Variants in PDE8B observed in about 807,000 individuals in gnomAD.
The protein encoded by PDE8B is phosphodiesterase 8B.
Under a neutral mutation model 101.3 loss-of-function variants are expected in PDE8B, and 26 were observed. The ratio of observed to expected loss-of-function variants is 0.26; its 90% CI spans 0.19 to 0.36. PDE8B has a LOEUF of 0.36. Among genes scored for constraint, PDE8B ranks in the 10% least tolerant of loss-of-function variants. The pLI is 1.00. For synonymous variants in PDE8B, 424 were observed against 429.3 expected, an observed-to-expected ratio of 0.99 and a Z score of 0.15; for missense variants, 810 against 1,163.1, an observed-to-expected ratio of 0.70 and a Z score of 4.42.
intron 1 of PDE8B, among the ~76,000 whole-genome samples, chr5:77,280,543 TG>T (rs1764758747): frequency 6.6e-6 from 1 of 152,250 alleles, no homozygotes; most frequent in Non-Finnish European, 1.5e-5. Context: ...GCCAAATTGC[TG>T]GAAGTTTCTA....
intron 14 of PDE8B, chr5:77,410,495 C>T (rs1344366681): frequency 5.3e-5 from 8 of 152,236 alleles, no homozygotes; most frequent in Non-Finnish European, 8.8e-5. Flanking sequence ...AATTTGGCCC[C>T]ATGTCCGAGT....
chr5:77,317,891 T>C (rs989519759), intron 2 of PDE8B, among the ~76,000 whole-genome samples: 1 of 151,904 alleles, frequency 6.6e-6, no homozygotes, highest in Non-Finnish European at 1.5e-5. Context: ...ACCCCGTCTT[T>C]ACTAAAAATA....
At chr5:77,180,181 C>A in the PDE8B span, among the ~76,000 whole-genome samples, 1 of 152,162 alleles carries the variant, frequency 6.6e-6, no homozygotes, top group South Asian at 2.1e-4. Flanking sequence ...TTGCCCAGAG[C>A]GGAGCAGCTC....
chr5:77,425,903 C>A lies in PDE8B; in HGVS notation c.2548+7C>A. 1.2e-6 allele frequency: 2 copies of A among 1,612,666 alleles called. No homozygotes were observed. Among genetic ancestry groups the A allele is most frequent in the Non-Finnish European group, 1.7e-6 (2 of 1,178,776 alleles). ...ATGTTTGATGCTTGGGATGGTAAGA[C>A]AGTTACTGTTTTGTCACCCAAAGAA... On this transcript the variant is annotated splice_region_variant and intron_variant, in intron 21 of 21. Transcript: ENST00000264917.
intron 2 of PDE8B, among the ~76,000 whole-genome samples, chr5:77,314,674 G>A (rs1773407402): frequency 6.6e-6 from 1 of 151,906 alleles, no homozygotes; most frequent in African/African-American, 2.4e-5. Context: ...CAAGATCATG[G>A]CCCAGTCTAG....
intron 1 of PDE8B, among the ~76,000 whole-genome samples, chr5:77,253,102 G>T (rs1418461319): frequency 6.6e-6 from 1 of 152,190 alleles, no homozygotes; most frequent in East Asian, 1.9e-4. Context: ...CTCCTGGTTT[G>T]CTAGGTAAAC....
At chr5:77,276,714 T>C (rs1327703315) in intron 1 of PDE8B, among the ~76,000 whole-genome samples, 1 of 152,140 alleles carries the variant, frequency 6.6e-6, no homozygotes, top group Non-Finnish European at 1.5e-5. Context: ...ATACCAACAT[T>C]TACTTAAAAG....
the PDE8B span, among the ~76,000 whole-genome samples, chr5:77,163,509 T>TA: frequency 6.6e-6 from 1 of 152,190 alleles, no homozygotes; most frequent in Non-Finnish European, 1.5e-5. Context: ...AGTAGGACTT[T>TA]AAAAAAATCT....
At chr5:77,274,824 C>T (rs185712734) in intron 1 of PDE8B, among the ~76,000 whole-genome samples, 3 of 151,974 alleles carry the variant, frequency 2.0e-5, no homozygotes, top group Non-Finnish European at 4.4e-5. Flanking sequence ...CCTGAGAGCC[C>T]GAGAGGAGAC....
intron 1 of PDE8B, among the ~76,000 whole-genome samples, chr5:77,279,274 G>A (rs1162862395): frequency 6.6e-6 from 1 of 151,998 alleles, no homozygotes; most frequent in African/African-American, 2.4e-5. Flanking sequence ...ACAGAACATG[G>A]GCATGACTTG....
At chr5:77,238,001 CT>C (rs1195047922) in intron 1 of PDE8B, among the ~76,000 whole-genome samples, 1 of 152,004 alleles carries the variant, frequency 6.6e-6, no homozygotes, top group Admixed American at 6.6e-5. Context: ...GTACCATTTT[CT>C]TTGGATGCTT....
At chr5:77,107,105 A>G in the PDE8B span, among the ~76,000 whole-genome samples, 1 of 151,736 alleles carries the variant, frequency 6.6e-6, no homozygotes, top group Admixed American at 6.6e-5. Flanking sequence ...CCTGTGTCCA[A>G]GTGTTCTCAT....
the PDE8B span, among the ~76,000 whole-genome samples, chr5:77,095,671 G>A: frequency 2.0e-5 from 3 of 152,162 alleles, no homozygotes; most frequent in South Asian, 2.1e-4. Flanking sequence ...ATGGCCTACC[G>A]TGATGGGCTT....
intron 1 of PDE8B, among the ~76,000 whole-genome samples, chr5:77,278,997 G>A (rs2149831638): frequency 6.6e-6 from 1 of 152,256 alleles, no homozygotes; most frequent in Non-Finnish European, 1.5e-5. Flanking sequence ...ATACACTACT[G>A]AAACAAAGTG....
intron 1 of PDE8B, among the ~76,000 whole-genome samples, chr5:77,249,627 C>T (rs1757653616): frequency 6.6e-6 from 1 of 152,172 alleles, no homozygotes; most frequent in Admixed American, 6.5e-5. Context: ...TAATGGATGT[C>T]TCAAAAATGT....
At chr5:77,363,248 C>T (rs10045594) in intron 10 of PDE8B, among the ~76,000 whole-genome samples, 10,934 of 152,188 alleles carry the variant, frequency 0.072, 606 homozygotes, top group South Asian at 0.14. Context: ...ACATGGGATG[C>T]GTGTGGCAGA....
At chr5:77,199,785 T>C in the PDE8B span, among the ~76,000 whole-genome samples, 1 of 152,272 alleles carries the variant, frequency 6.6e-6, no homozygotes, top group Non-Finnish European at 1.5e-5. Context: ...GAGAAGTATA[T>C]AGAGATAAAC....
rs1231332884 is a variant in PDE8B at position 77,418,382 on chromosome 5, A to G, written c.2065A>G (p.Thr689Ala). ...NDTAVLESHH[T>A]ALAFQLTVKD... ...CACTGCTGTTCTGGAGAGTCACCAC[A>G]CCGCCCTGGCCTTCCAGCTCACGGT... Residue 689 changes from threonine (T) to alanine (A), a missense_variant, in exon 18 of 22, where the codon ACC (threonine) becomes GCC (alanine). Thr to Ala is a moderately conservative substitution (Grantham distance 58). Around this residue, in one of 4 missense-constraint regions of PDE8B, gnomAD observed 325 missense variants for 560.9 expected, o/e 0.58. Coordinates refer to ENST00000264917, the MANE Select transcript of PDE8B (RefSeq NM_003719.5). 1.1e-5 allele frequency: 17 copies of G among 1,613,916 alleles called. No individual in the cohort carries two copies. The highest frequency in any genetic ancestry group is 1.4e-5 in the Non-Finnish European group (17 of 1,179,918).
chr5:77,426,667 A>T lies in PDE8B; in HGVS notation c.*113A>T, dbSNP rs1348664701. 4 of 716,132 alleles carry T rather than the reference A, an allele frequency of 5.6e-6. No individual in the cohort carries two copies. In the African/African-American group the frequency reaches 7.0e-5, roughly 13 times the overall value. The allele number at this position is 716,132 out of a possible 1,614,324, so 44.4% of individuals were successfully genotyped here. ...ATGACAGGTATTGGTGAAGGAGCTA[A>T]TGTTTAATATTTGACCTTGAATCAT... is the stretch of plus-strand genomic sequence containing the variant. On this transcript the variant is annotated 3_prime_UTR_variant, in exon 22 of 22. Transcript: ENST00000264917.
Sources: allele counts gnomAD v4.1 joint callset (sites outside exome capture counted in the v4.1 genomes callset), GRCh38; gene constraint gnomAD v4.1.1; regional missense constraint gnomAD v4.1.1; transcripts MANE v1.5; gene names NCBI Gene and HGNC (gene_info 2026-07-23, HGNC 2026-07-21).